The following UBR4 variants were observed in gnomAD, a reference collection of about 807,000 sequenced individuals.
UBR4 encodes the protein E3 ubiquitin-protein ligase UBR4.
A neutral mutation model predicts 575.6 loss-of-function variants in UBR4; 124 were observed. That is an observed-to-expected ratio of 0.22 (90% confidence interval 0.19 to 0.25). UBR4 has a LOEUF of 0.25. Ranked by LOEUF, UBR4 falls within the 10% of genes least tolerant of loss-of-function variation. The probability of loss-of-function intolerance (pLI) is 1.00; values close to 1 mark genes in which losing one functional copy is unlikely to be tolerated. For missense variants in UBR4, 4,818 were observed against 6,478.8 expected (o/e 0.74, Z 8.80); for synonymous variants, 2,455 against 2,473.7 (o/e 0.99, Z 0.22).
Position 19,100,365 on chromosome 1 carries a change from A to G in UBR4, c.13221+11T>C, listed in dbSNP as rs565497805. On this transcript the variant is annotated intron_variant, in intron 89 of 105. Coordinates refer to ENST00000375254, the MANE Select transcript of UBR4 (RefSeq NM_020765.3). This position sits in a 1 kb window ranked among gnomAD's most constrained non-coding sequence, Gnocchi z 4.2. ...TCGTAAACGTGGGCAGCACTGTCCT[A>G]TGGTCATTACCTCCATGCCACTGTC... 39 of 1,613,962 alleles carry G rather than the reference A, an allele frequency of 2.4e-5. No homozygotes were observed. In the South Asian group the frequency reaches 4.1e-4, roughly 17 times the overall value.
Position 19,127,706 on chromosome 1 carries a change from T to C in UBR4, c.9145A>G (p.Asn3049Asp). Residue 3049 changes from asparagine (N) to aspartate (D), a missense_variant, in exon 63 of 106, where the codon AAT becomes GAT. Around this residue, in one of 29 missense-constraint regions of UBR4, gnomAD observed 550 missense variants for 791.5 expected, o/e 0.69. Coordinates refer to ENST00000375254, the MANE Select transcript of UBR4 (RefSeq NM_020765.3). ...VSKKNERSAL[N>D]EVHLVVMRLL... The stretch of plus-strand genomic sequence containing the variant: ...CTCATTACTACCAGATGGACTTCAT[T>C]CAGGGCGCTGCGCTCATTCTTCTTG... 1.9e-6 allele frequency: 3 copies of C among 1,614,158 alleles called. No individual in the cohort carries two copies. Among genetic ancestry groups the C allele is most frequent in the Non-Finnish European group, 1.7e-6 (2 of 1,180,016 alleles).
chr1:19,113,854 G>C, intron 76 of UBR4, 27 bp from the exon 77 acceptor site: 1 of 1,614,122 alleles, frequency 6.2e-7, no homozygotes, highest in South Asian at 1.1e-5. Context: ...TAAGCTGTCA[G>C]GCTCCCCACC....
chr1:19,162,380 T>C, intron 35 of UBR4, 40 bp downstream of exon 35: 1 of 1,578,902 alleles, frequency 6.3e-7, no homozygotes, highest in Non-Finnish European at 8.6e-7. Flanking sequence ...CAGTTAGTCA[T>C]TACCTTGAGA....
At position 19,106,604 on chromosome 1, in the gene UBR4, C is replaced by G; in HGVS notation, c.12358G>C (p.Asp4120His). Residue 4120 changes from aspartate to histidine, a missense_variant, in exon 83 of 106, where the codon GAT becomes CAT. Around this residue, in one of 29 missense-constraint regions of UBR4, gnomAD observed 178 missense variants for 175.5 expected, o/e 1.01. Coordinates refer to ENST00000375254, the MANE Select transcript of UBR4 (RefSeq NM_020765.3). ...CAGTTGTTATGCCCCAGTTTGAGAT[C>G]CAAGGGGGAGGTCCTCTTCCCCCGA... Reference protein sequence around the residue: ...SRRGKRTSPLDLKLGHNNWLR... With the variant: ...SRRGKRTSPLHLKLGHNNWLR... 6.3e-7 allele frequency: 1 copy of G among 1,590,796 alleles called. No homozygotes were observed. Among genetic ancestry groups the G allele is most frequent in the Non-Finnish European group, 8.6e-7 (1 of 1,169,204 alleles).
In UBR4 at chr1:19,123,031, C is replaced by T; in HGVS notation, c.9618G>A (p.Val3206=). The T allele has an allele frequency of 1.9e-6, 3 of 1,614,178 alleles. No homozygotes were observed. The highest frequency in any genetic ancestry group is 2.5e-6 in the Non-Finnish European group (3 of 1,180,034). ...EYLMIQQTPF[V]RRQVRKLLLF... ...GCAGAAGTTTGCGGACTTGACGGCG[C>T]ACAAATGGAGTCTGCTGGATCATGA... The change falls in exon 66 of 106, where the codon GTG becomes GTA. Residue 3206 remains valine (V), a synonymous_variant. Transcript: ENST00000375254.
chr1:19,114,064 A>G lies in UBR4; in HGVS notation c.11209T>C (p.Ser3737Pro). Residue 3737 changes from serine to proline, a missense_variant, in exon 76 of 106, where the codon TCC becomes CCC. This residue lies in a region of UBR4 where 333 missense variants were observed against 459.2 expected (regional missense o/e 0.73). Coordinates refer to ENST00000375254, the MANE Select transcript of UBR4 (RefSeq NM_020765.3). ...ENEEDRKKAV[S>P]NINTLLDKAD... ...TTGTCCAAAAGTGTATTGATGTTGG[A>G]TACAGCCTAGACAGGAAAAGACAGG... The G allele has an allele frequency of 1.2e-6, 2 of 1,613,492 alleles. No individual in the cohort carries two copies. Among genetic ancestry groups the G allele is most frequent in the Non-Finnish European group, 1.7e-6 (2 of 1,179,456 alleles).
chr1:19,180,243 C>T (rs538594212), intron 17 of UBR4, among the ~76,000 whole-genome samples: 9 of 152,062 alleles, frequency 5.9e-5, no homozygotes, highest in Admixed American at 5.2e-4. Context: ...GGCAGGAGTG[C>T]GGTTGCACGA....
chr1:19,201,828 T>A lies in UBR4; in HGVS notation c.177-13A>T. ...GATTTCTGATTCACTGTAAAAATAA[T>A]AATAATTCAGCCAGCATCTGCTTAG... On this transcript the variant is annotated splice_polypyrimidine_tract_variant and intron_variant, in intron 1 of 105. Transcript: ENST00000375254. 1 of 1,612,190 alleles carries A rather than the reference T, an allele frequency of 6.2e-7. No homozygotes were observed. Among genetic ancestry groups the A allele is most frequent in the Non-Finnish European group, 8.5e-7 (1 of 1,178,530 alleles).
chr1:19,115,737 C>T (rs536751235), intron 73 of UBR4, 100 bp from the exon 74 acceptor site: 10 of 1,510,580 alleles, frequency 6.6e-6, no homozygotes, highest in Admixed American at 2.2e-5. Context: ...TTTTCTAAGG[C>T]AATTAAGTGG....
In UBR4 at chr1:19,089,064, C is replaced by G. The variant is rs2077275623; in HGVS notation, c.14212-87G>C. ...GAGCTTAAAGGTTTAGAAACTCAAC[C>G]AGCATGCACCATCTCATGTCACCTG... On this transcript the variant is annotated intron_variant, in intron 97 of 105. Coordinates refer to ENST00000375254, the MANE Select transcript of UBR4 (RefSeq NM_020765.3). The surrounding 1 kb of genome is among the most constrained non-coding windows in gnomAD (Gnocchi z 4.3). 7.7e-7 allele frequency: 1 copy of G among 1,305,570 alleles called. No homozygotes were observed. Among genetic ancestry groups the G allele is most frequent in the South Asian group, 1.3e-5 (1 of 77,606 alleles). 80.9% of individuals were successfully genotyped at this position (1,305,570 alleles called of 1,614,324 possible). A position where few individuals can be genotyped will look rare whatever the true frequency, so the allele number is the denominator to read the frequency against.
Position 19,106,590 on chromosome 1 carries a change from C to A in UBR4, c.12372G>T (p.Gly4124=). Residue 4124 remains glycine, a synonymous_variant, in exon 83 of 106, where the codon GGG becomes GGT. Transcript: ENST00000375254. The part of the protein sequence containing the change: ...KRTSPLDLKL[G]HNNWLRQVLF... Reference sequence around the variant, plus strand: ...TCACTTGTCGCAGCCAGTTGTTATGCCCCAGTTTGAGATCCAAGGGGGAGG... The same window carrying A: ...TCACTTGTCGCAGCCAGTTGTTATGACCCAGTTTGAGATCCAAGGGGGAGG... The A allele has an allele frequency of 6.3e-7, 1 of 1,578,840 alleles. No individual in the cohort carries two copies. Among genetic ancestry groups the A allele is most frequent in the Non-Finnish European group, 8.6e-7 (1 of 1,164,006 alleles).
chr1:19,074,947 A>AT, intron 105 of UBR4, 51 bp from the exon 106 acceptor site: 1 of 1,594,610 alleles, frequency 6.3e-7, no homozygotes, highest in Middle Eastern at 1.7e-4. Flanking sequence ...TACAGCCCCC[A>AT]TTCCCCCTGA....
In UBR4 at chr1:19,156,335, A is replaced by T; in HGVS notation, c.6008T>A (p.Ile2003Asn). ...TGAACCAGGTAACCACACGGCTTTG[A>T]TGATGAAGTTCCCCGTTGCCAACTG... Reference protein sequence around the residue: ...HPQLATGNFIIKAVWLPGSQT... With the variant: ...HPQLATGNFINKAVWLPGSQT... Residue 2003 changes from isoleucine to asparagine, a missense_variant, in exon 42 of 106, where the codon ATC becomes AAC. Physicochemically the swap from Ile to Asn is moderately radical, Grantham distance 149. Around this residue, in one of 29 missense-constraint regions of UBR4, gnomAD observed 461 missense variants for 606.9 expected, o/e 0.76. Transcript: ENST00000375254. 6.2e-7 allele frequency: 1 copy of T among 1,614,230 alleles called. No individual in the cohort carries two copies. The highest frequency in any genetic ancestry group is 8.5e-7 in the Non-Finnish European group (1 of 1,180,026).
Position 19,163,802 on chromosome 1 carries a change from C to T in UBR4, c.4726G>A (p.Val1576Ile), listed in dbSNP as rs773117303. 8 of 1,614,132 alleles carry T rather than the reference C, an allele frequency of 5.0e-6. No homozygotes were observed. Among genetic ancestry groups the T allele is most frequent in the Non-Finnish European group, 6.8e-6 (8 of 1,180,016 alleles). ...RCKKYLSQKN[V>I]VEKLNANVMH... ...ACATTGGCATTCAGTTTTTCAACTACATTCTTCTGTGACAGGTATTTCTTG... is the reference window on the plus strand; with the variant it reads ...ACATTGGCATTCAGTTTTTCAACTATATTCTTCTGTGACAGGTATTTCTTG... Residue 1576 changes from valine (V) to isoleucine (I), a missense_variant, in exon 34 of 106, where the codon GTA becomes ATA. This residue lies in a region of UBR4 where 1,172 missense variants were observed against 1,259.7 expected (regional missense o/e 0.93). Coordinates refer to ENST00000375254, the MANE Select transcript of UBR4 (RefSeq NM_020765.3).
At chr1:19,195,277 A>ATAATAATAATAATAATAATAATAG (rs1430594339) in intron 8 of UBR4, among the ~76,000 whole-genome samples, 37 of 148,336 alleles carry the variant, frequency 2.5e-4, no homozygotes, top group African/African-American at 8.8e-4. Context: ...AATAATAATA[A>ATAATAATAATAATAATAATAATAG]TAATAATAAT....
At chr1:19,144,155 C>T in intron 54 of UBR4, 64 bp from the exon 55 acceptor site, 1 of 1,474,134 alleles carries the variant, frequency 6.8e-7, no homozygotes, top group East Asian at 2.3e-5. Flanking sequence ...CTCTATAAAA[C>T]ACTTTCCTTT....
rs2083517437 is a variant in UBR4, at chr1:19,139,027, C to T, written c.8731+56G>A. The stretch of plus-strand genomic sequence containing the variant: ...AACCCCAAGACCCAAGCAGAGATTC[C>T]TGTTTTGTCCCCACCCTCTGCCCAA... On this transcript the variant is annotated intron_variant, in intron 59 of 105. Transcript: ENST00000375254. This position sits in a 1 kb window ranked among gnomAD's most constrained non-coding sequence, Gnocchi z 4.2. The T allele has an allele frequency of 2.0e-6, 3 of 1,524,564 alleles. No individual in the cohort carries two copies. Among genetic ancestry groups the T allele is most frequent in the Non-Finnish European group, 2.7e-6 (3 of 1,129,712 alleles). 94.4% of individuals were successfully genotyped at this position (1,524,564 alleles called of 1,614,324 possible).
At chr1:19,121,523 T>G (rs763273872) in intron 67 of UBR4, 89 bp from the exon 68 acceptor site, 23 of 1,481,208 alleles carry the variant, frequency 1.6e-5, no homozygotes, top group Non-Finnish European at 2.1e-5. Flanking sequence ...CAGCTGAGAC[T>G]GCCCTGTTCT....
Position 19,174,379 on chromosome 1 carries a change from A to C in UBR4, c.2922T>G (p.Leu974=), listed in dbSNP as rs760882708. ...DELYAALTAL[L]AAGSQLDTVR... is the part of the protein sequence containing the mutation. ...CTGTATCAAGCTGGGACCCAGCTGC[A>C]AGCAGGGCTGTCAGTGCAGCATAAA... is the stretch of plus-strand genomic sequence containing the variant. The change falls in exon 22 of 106, where the codon CTT becomes CTG. Residue 974 remains leucine, a synonymous_variant. Transcript: ENST00000375254. 1 of 1,613,440 alleles carries C rather than the reference A, an allele frequency of 6.2e-7. No homozygotes were observed. The highest frequency in any genetic ancestry group is 8.5e-7 in the Non-Finnish European group (1 of 1,179,974).
Sources: gnomAD v4.1 joint callset for allele counts (sites outside exome capture counted in the v4.1 genomes callset) on GRCh38, gnomAD v4.1.1 for gene constraint, gnomAD v4.1.1 regional missense constraint, Gnocchi (gnomAD v3.1) non-coding constraint, MANE v1.5 for transcripts, NCBI Gene and HGNC (gene_info 2026-07-23, HGNC 2026-07-21) for gene names.